SCML4: variants seen among roughly 807,000 people sequenced by gnomAD.
SCML4 encodes Scm polycomb group protein like 4, also known as sex comb on midleg-like protein 4.
In SCML4, 34 loss-of-function variants were observed where a neutral mutation model predicts 41.1. That is an observed-to-expected ratio of 0.83 (90% CI 0.63 to 1.10). The LOEUF (loss-of-function observed/expected upper bound fraction) is 1.10. SCML4 is among the 50% of genes least tolerant of loss of function. SCML4 has a pLI of 0.00. For missense variants in SCML4, 522 were observed against 534.1 expected (o/e 0.98, Z 0.22); for synonymous variants, 214 against 220.9 (o/e 0.97, Z 0.28).
At chr6:107,715,799 C>A (rs1194356489) in intron 6 of SCML4, among the ~76,000 whole-genome samples, 3 of 152,248 alleles carry the variant, frequency 2.0e-5, no homozygotes, top group Non-Finnish European at 4.4e-5. Context: ...CTTCTGCCTG[C>A]AGCCTCATGC....
intron 2 of SCML4, 140 bp from the exon 3 acceptor site, chr6:107,749,953 G>A (rs1267685396): frequency 2.5e-6 from 2 of 799,794 alleles, no homozygotes; most frequent in Non-Finnish European, 4.0e-6. Flanking sequence ...CGGGGCCTGA[G>A]CTGCAGATTC....
chr6:107,779,065 A>G (rs1712163814), intron 1 of SCML4, among the ~76,000 whole-genome samples: 1 of 152,046 alleles, frequency 6.6e-6, no homozygotes, highest in Admixed American at 6.6e-5. Flanking sequence ...CTGTAGTCCC[A>G]GCTACTCCGG....
At chr6:107,838,539 C>T in the SCML4 span, among the ~76,000 whole-genome samples, 1 of 152,172 alleles carries the variant, frequency 6.6e-6, no homozygotes, top group African/African-American at 2.4e-5. Context: ...AATCATCACC[C>T]TCATAGGGCA....
chr6:107,719,809 G>A, intron 6 of SCML4: 4 of 748,910 alleles, frequency 5.3e-6, no homozygotes, highest in Non-Finnish European at 6.5e-6. Context: ...GCAGGAAGCA[G>A]CAGATCCAGC....
chr6:107,776,463 G>T (rs1780956968), intron 1 of SCML4, among the ~76,000 whole-genome samples: 1 of 147,846 alleles, frequency 6.8e-6, no homozygotes. Context: ...AAGGAAAGAG[G>T]TGAATTATTA....
intron 6 of SCML4, among the ~76,000 whole-genome samples, chr6:107,716,069 G>A (rs1222341517): frequency 1.3e-5 from 2 of 152,150 alleles, no homozygotes; most frequent in Admixed American, 6.5e-5. Flanking sequence ...GGACGCTGGC[G>A]GTTTCTCTCC....
intron 5 of SCML4, among the ~76,000 whole-genome samples, chr6:107,739,657 A>T (rs1777403399): frequency 6.6e-6 from 1 of 152,096 alleles, no homozygotes; most frequent in Non-Finnish European, 1.5e-5. Flanking sequence ...ACAAAAAAAA[A>T]CCTCCACCCT....
chr6:107,771,086 A>G (rs77060752), intron 2 of SCML4, among the ~76,000 whole-genome samples: 3,216 of 152,276 alleles, frequency 0.021, 122 homozygotes, highest in African/African-American at 0.072. Context: ...TAGCTGAGTA[A>G]AAGCTTCTTT....
intron 1 of SCML4, among the ~76,000 whole-genome samples, chr6:107,808,434 T>C (rs1054332273): frequency 6.6e-6 from 1 of 152,098 alleles, no homozygotes; most frequent in Non-Finnish European, 1.5e-5. Context: ...GTTTTTGTTT[T>C]TGTTTTTGTT....
At chr6:107,767,504 A>G (rs1562236409) in intron 2 of SCML4, among the ~76,000 whole-genome samples, 1 of 152,142 alleles carries the variant, frequency 6.6e-6, no homozygotes, top group Non-Finnish European at 1.5e-5. Flanking sequence ...AAGAACACCT[A>G]TTTTTTCAGA....
chr6:107,828,650 G>T (rs148322969), upstream of SCML4, among the ~76,000 whole-genome samples: 14 of 152,326 alleles, frequency 9.2e-5, no homozygotes, highest in South Asian at 2.1e-4. Context: ...CCACACTCCA[G>T]AGGCCCCACA....
At chr6:107,830,045 T>A in the SCML4 span, among the ~76,000 whole-genome samples, 1 of 152,212 alleles carries the variant, frequency 6.6e-6, no homozygotes, top group Non-Finnish European at 1.5e-5. Flanking sequence ...CTGGAGCCCA[T>A]GTGGGGTGCT....
At chr6:107,800,579 G>A (rs1783043265) in intron 1 of SCML4, among the ~76,000 whole-genome samples, 1 of 152,184 alleles carries the variant, frequency 6.6e-6, no homozygotes, top group African/African-American at 2.4e-5. Flanking sequence ...AATTCAGAAA[G>A]GGGGAGGTTT....
rs556171475 is a variant in SCML4 at position 107,756,961 on chromosome 6, C to T, written c.157-7148G>A. 1.1e-4 allele frequency among the ~76,000 whole-genome samples: 16 copies of T among 152,292 alleles called. No individual in the cohort carries two copies. The South Asian group carries it at 3.3e-3, about 32-fold the overall frequency. The stretch of plus-strand genomic sequence containing the variant: ...CAACATCCCTGCCCAAATGCTAGTG[C>T]AGTTGCCACCTTTACCTGAGATTCA... On this transcript the variant is annotated intron_variant, in intron 2 of 7. Transcript: ENST00000369020.
intron 1 of SCML4, among the ~76,000 whole-genome samples, chr6:107,773,719 T>C (rs923215405): frequency 1.3e-5 from 2 of 152,094 alleles, no homozygotes; most frequent in African/African-American, 2.4e-5. Context: ...TCAGACTTCC[T>C]GGAATGTTCA....
upstream of SCML4, among the ~76,000 whole-genome samples, chr6:107,827,975 G>A (rs561243278): frequency 3.9e-5 from 6 of 152,330 alleles, no homozygotes; most frequent in South Asian, 6.2e-4. Context: ...TGCTACCGCC[G>A]AAACAACCTT....
At chr6:107,809,244 T>G (rs9320238) in intron 1 of SCML4, among the ~76,000 whole-genome samples, 2 of 152,152 alleles carry the variant, frequency 1.3e-5, no homozygotes, top group Admixed American at 6.5e-5. Flanking sequence ...GCTGGCACCT[T>G]GGTCTAGGAC....
intron 1 of SCML4, among the ~76,000 whole-genome samples, chr6:107,777,352 A>G (rs9398143): frequency 1 from 151,953 of 152,314 alleles, 75,799 homozygotes; most frequent in Non-Finnish European, 1. Context: ...TCCTGACCTC[A>G]TGATCTGCCC....
At chr6:107,714,851 C>T (rs933866051) in intron 6 of SCML4, among the ~76,000 whole-genome samples, 5 of 151,648 alleles carry the variant, frequency 3.3e-5, no homozygotes, top group East Asian at 1.9e-4. Context: ...AATCCCAGGG[C>T]CACCAGCTCA....
Sources: allele counts gnomAD v4.1 joint callset (sites outside exome capture counted in the v4.1 genomes callset), GRCh38; gene constraint gnomAD v4.1.1; transcripts MANE v1.5; gene names NCBI Gene and HGNC (gene_info 2026-07-23, HGNC 2026-07-21).